Variants in COL25A1 observed in about 807,000 individuals in gnomAD.
COL25A1 encodes the protein collagen type XXV alpha 1 chain.
A neutral mutation model predicts 128.4 loss-of-function variants in COL25A1; 103 were observed. That is an observed-to-expected ratio of 0.80 (90% confidence interval 0.68 to 0.94). The LOEUF is 0.94. Ranked by LOEUF, COL25A1 falls within the 40% of genes least tolerant of loss-of-function variation. COL25A1 has a pLI of 0.00. For synonymous variants in COL25A1, 279 were observed against 277.2 expected (o/e 1.01, Z -0.06); for missense variants, 745 against 840.0 (o/e 0.89, Z 1.40).
chr4:109,227,245 G>A (rs545551711), intron 3 of COL25A1, among the ~76,000 whole-genome samples: 1 of 140,188 alleles, frequency 7.1e-6, no homozygotes, highest in South Asian at 2.2e-4. Context: ...GTTTAATGGA[G>A]TCAAATTCGC....
At chr4:108,837,982 G>C in intron 31 of COL25A1, 1 of 766,428 alleles carries the variant, frequency 1.3e-6, no homozygotes, top group Non-Finnish European at 2.3e-6. Context: ...AATATAATAT[G>C]TTTTCTAATT....
At chr4:109,050,358 C>T (rs1407884901) in intron 3 of COL25A1, among the ~76,000 whole-genome samples, 179 bp from the exon 4 acceptor site, 1 of 151,964 alleles carries the variant, frequency 6.6e-6, no homozygotes, top group Non-Finnish European at 1.5e-5. Flanking sequence ...TCTTAAGGTT[C>T]ATTTAATTAT....
chr4:109,178,037 C>A (rs1560817943), intron 3 of COL25A1, among the ~76,000 whole-genome samples: 1 of 152,170 alleles, frequency 6.6e-6, no homozygotes, highest in Non-Finnish European at 1.5e-5. Context: ...GGTTTAAGTA[C>A]AAACTGATAC....
intron 3 of COL25A1, among the ~76,000 whole-genome samples, chr4:109,065,065 G>C (rs1455552199): frequency 2.0e-5 from 3 of 152,182 alleles, no homozygotes; most frequent in Admixed American, 6.5e-5. Context: ...TAATGAATGA[G>C]AGCAATGTGC....
chr4:108,834,252 A>T, intron 31 of COL25A1: 1 of 1,172,166 alleles, frequency 8.5e-7, no homozygotes, highest in Non-Finnish European at 1.2e-6. Flanking sequence ...CTCTAAGTAC[A>T]CCCTCATCAT....
intron 27 of COL25A1, among the ~76,000 whole-genome samples, chr4:108,848,357 G>C (rs867498746): frequency 4.6e-5 from 7 of 151,958 alleles, no homozygotes; most frequent in Non-Finnish European, 8.8e-5. Flanking sequence ...TCTTTATTTG[G>C]GAAAAGAAAA....
intron 20 of COL25A1, among the ~76,000 whole-genome samples, chr4:108,865,345 C>T (rs182347145): frequency 1.3e-5 from 2 of 151,998 alleles, no homozygotes; most frequent in Non-Finnish European, 2.9e-5. Flanking sequence ...TTTGGGAAGC[C>T]TTTGTGGTTT....
intron 3 of COL25A1, among the ~76,000 whole-genome samples, chr4:109,140,316 C>T (rs1222465232): frequency 3.3e-5 from 5 of 152,266 alleles, no homozygotes; most frequent in African/African-American, 1.2e-4. Context: ...CAGTACCATG[C>T]TATTTTGGTT....
intron 6 of COL25A1, among the ~76,000 whole-genome samples, chr4:109,009,348 A>C (rs1280564179): frequency 6.6e-6 from 1 of 152,228 alleles, no homozygotes; most frequent in Non-Finnish European, 1.5e-5. Flanking sequence ...AATATAAGTT[A>C]ATTAAAAGTC....
chr4:108,991,503 C>T (rs533010720), intron 6 of COL25A1, among the ~76,000 whole-genome samples: 5 of 152,194 alleles, frequency 3.3e-5, no homozygotes, highest in South Asian at 4.2e-4. Context: ...TATATTAAGA[C>T]TTTTATTATC....
At chr4:108,971,657 G>T (rs576041053) in intron 8 of COL25A1, among the ~76,000 whole-genome samples, 1 of 152,260 alleles carries the variant, frequency 6.6e-6, no homozygotes, top group East Asian at 1.9e-4. Context: ...GTGGGGATGG[G>T]CAAGAGCTAA....
intron 6 of COL25A1, among the ~76,000 whole-genome samples, chr4:109,009,855 A>G (rs1166391767): frequency 6.6e-6 from 1 of 152,150 alleles, no homozygotes; most frequent in Non-Finnish European, 1.5e-5. Context: ...TATGGGCTCA[A>G]TAAGATTTTC....
chr4:109,184,572 G>A (rs1466888239), intron 3 of COL25A1, among the ~76,000 whole-genome samples: 1 of 152,090 alleles, frequency 6.6e-6, no homozygotes, highest in Admixed American at 6.6e-5. Context: ...AGGACTTAAG[G>A]CACAGTCTGA....
At chr4:108,924,912 C>G (rs1451777156) in intron 11 of COL25A1, among the ~76,000 whole-genome samples, 1 of 152,150 alleles carries the variant, frequency 6.6e-6, no homozygotes, top group Non-Finnish European at 1.5e-5. Context: ...GCTCAGTACC[C>G]TCACCTTTGG....
chr4:109,038,817 A>C (rs1759595915), intron 5 of COL25A1, among the ~76,000 whole-genome samples: 2 of 152,134 alleles, frequency 1.3e-5, no homozygotes, highest in African/African-American at 4.8e-5. Context: ...CTCTGCCCCC[A>C]CTGGAGATTC....
chr4:108,891,033 A>G (rs1003304712), intron 16 of COL25A1, among the ~76,000 whole-genome samples: 4 of 152,170 alleles, frequency 2.6e-5, no homozygotes, highest in African/African-American at 9.7e-5. Context: ...TTCATTGTCT[A>G]TCTCTCTGTT....
Position 109,010,373 on chromosome 4 carries a change from T to C in COL25A1, c.423A>G (p.Gly141=), listed in dbSNP as rs781592129. 147 of 1,575,310 alleles carry C rather than the reference T, an allele frequency of 9.3e-5. No homozygotes were observed. Among genetic ancestry groups the C allele is most frequent in the Non-Finnish European group, 1.2e-4 (139 of 1,165,692 alleles). Residue 141 remains glycine, a splice_region_variant and synonymous_variant, in exon 6 of 38, where the codon GGA becomes GGG. Transcript: ENST00000399132. ...ATTACCTTACCTGAGGACCAGGCTG[T>C]CCCTGAAATTAAAAAGAAAAAGAAA... ...RGRRGESGPP[G]QPGPQGPPGP...
intron 3 of COL25A1, among the ~76,000 whole-genome samples, chr4:109,248,954 A>G (rs886483198): frequency 3.9e-5 from 6 of 152,126 alleles, no homozygotes; most frequent in Non-Finnish European, 7.3e-5. Flanking sequence ...CATACAATTA[A>G]CTCCATGGTT....
chr4:109,050,327 T>C (rs1760870607), intron 3 of COL25A1, 148 bp from the exon 4 acceptor site: 2 of 580,150 alleles, frequency 3.4e-6, no homozygotes, highest in Non-Finnish European at 6.0e-6. Flanking sequence ...GTCAGTATTG[T>C]CTTTAGTGTT....
Sources: allele counts gnomAD v4.1 joint callset (sites outside exome capture counted in the v4.1 genomes callset), GRCh38; gene constraint gnomAD v4.1.1; transcripts MANE v1.5; gene names NCBI Gene and HGNC (gene_info 2026-07-23, HGNC 2026-07-21).